CRACR2A: variants seen among roughly 807,000 people sequenced by gnomAD.
The protein encoded by CRACR2A is calcium release activated channel regulator 2A, also known as EF-hand calcium-binding domain-containing protein 4B.
CRACR2A carries 79 observed loss-of-function variants against 90.5 expected under a neutral mutation model. The observed-to-expected ratio is 0.87, with a 90% CI of 0.73 to 1.05. CRACR2A has a LOEUF of 1.05. Ranked by LOEUF, CRACR2A falls within the 50% of genes least tolerant of loss-of-function variation. The pLI, the probability that CRACR2A is intolerant of heterozygous loss-of-function variation, is 0.00. For missense variants in CRACR2A, 823 were observed against 897.2 expected (o/e 0.92, Z 1.06); for synonymous variants, 338 against 356.7 (o/e 0.95, Z 0.59).
At chr12:3,715,202 C>T (rs939034807) in intron 2 of CRACR2A, among the ~76,000 whole-genome samples, 4 of 152,206 alleles carry the variant, frequency 2.6e-5, no homozygotes, top group African/African-American at 9.6e-5. Context: ...AAGGCTTTAA[C>T]AAATGAGTGA....
intron 3 of CRACR2A, among the ~76,000 whole-genome samples, chr12:3,700,636 T>C (rs1159988015): frequency 2.6e-5 from 4 of 152,240 alleles, no homozygotes; most frequent in Non-Finnish European, 4.4e-5. Flanking sequence ...TTCGTATTGA[T>C]AAAAGGTCAA....
At position 3,656,385 on chromosome 12, in the gene CRACR2A, G is replaced by C. The variant is rs199789658; in HGVS notation, c.784C>G (p.Arg262Gly). Residue 262 changes from arginine to glycine, a missense_variant, in exon 9 of 20, where the codon CGC becomes GGC. Coordinates refer to ENST00000440314, the MANE Select transcript of CRACR2A (RefSeq NM_001144958.2). ...LLKDTERFQA[R>G]SQELEQKLLC... Reference sequence around the variant, plus strand: ...AGTTTCTGCTCCAGCTCTTGACTGCGGGCTTGAAACCTCTCTGTGTCCTGC... The same window carrying C: ...AGTTTCTGCTCCAGCTCTTGACTGCCGGCTTGAAACCTCTCTGTGTCCTGC... 4 of 1,614,020 alleles carry C rather than the reference G, an allele frequency of 2.5e-6. No individual in the cohort carries two copies. Among genetic ancestry groups the C allele is most frequent in the Non-Finnish European group, 3.4e-6 (4 of 1,180,022 alleles).
chr12:3,686,558 G>A (rs1172339069), intron 4 of CRACR2A, among the ~76,000 whole-genome samples: 1 of 152,122 alleles, frequency 6.6e-6, no homozygotes, highest in Non-Finnish European at 1.5e-5. Flanking sequence ...TTCTCAGAGA[G>A]ATCTCCTGCC....
chr12:3,625,756 C>T (rs576176148), intron 17 of CRACR2A, among the ~76,000 whole-genome samples: 92 of 151,762 alleles, frequency 6.1e-4, no homozygotes, highest in Non-Finnish European at 1.2e-3. Flanking sequence ...CCTTCCCTTG[C>T]CGCTCCCCAA....
At chr12:3,677,804 C>T (rs1210632382) in intron 6 of CRACR2A, among the ~76,000 whole-genome samples, 1 of 152,234 alleles carries the variant, frequency 6.6e-6, no homozygotes, top group African/African-American at 2.4e-5. Flanking sequence ...TTGAGTTCCA[C>T]TTCCTGTGTA....
chr12:3,670,513 C>T (rs1185902209), intron 7 of CRACR2A, among the ~76,000 whole-genome samples: 2 of 152,174 alleles, frequency 1.3e-5, no homozygotes, highest in Non-Finnish European at 2.9e-5. Flanking sequence ...TGCAAAGAAT[C>T]CCATTTTCAT....
At chr12:3,654,670 G>A (rs1436114050) in intron 9 of CRACR2A, among the ~76,000 whole-genome samples, 1 of 152,186 alleles carries the variant, frequency 6.6e-6, no homozygotes, top group Non-Finnish European at 1.5e-5. Flanking sequence ...CACTCAAAAA[G>A]ACCACTAGCA....
chr12:3,737,805 A>C (rs978230475), intron 1 of CRACR2A, among the ~76,000 whole-genome samples: 1 of 152,234 alleles, frequency 6.6e-6, no homozygotes, highest in African/African-American at 2.4e-5. Flanking sequence ...ATATCCTTTG[A>C]ATTCCAAGGC....
chr12:3,738,532 C>T (rs1946480688), intron 1 of CRACR2A, among the ~76,000 whole-genome samples: 1 of 152,044 alleles, frequency 6.6e-6, no homozygotes, highest in African/African-American at 2.4e-5. Context: ...AGATTAAATA[C>T]AGTTTGAGAA....
intron 7 of CRACR2A, among the ~76,000 whole-genome samples, chr12:3,660,014 G>A (rs565069331): frequency 2.0e-5 from 3 of 152,230 alleles, no homozygotes; most frequent in African/African-American, 4.8e-5. Context: ...TCTGCCAGAC[G>A]TATCATCCCT....
In CRACR2A at chr12:3,631,540, C is replaced by T. The variant is rs147269906; in HGVS notation, c.1735+2064G>A. ...CCAGGCGCTGTCTCCTGTGTTACCACGCTCAGCACACTCCCAGCTGCCCCT... is the reference window on the plus strand; with the variant it reads ...CCAGGCGCTGTCTCCTGTGTTACCATGCTCAGCACACTCCCAGCTGCCCCT... On this transcript the variant is annotated intron_variant, in intron 15 of 19. Transcript: ENST00000440314. 4.4e-4 allele frequency among the ~76,000 whole-genome samples: 67 copies of T among 152,346 alleles called. No homozygotes were observed. The East Asian group carries it at 0.012, about 27-fold the overall frequency.
intron 7 of CRACR2A, among the ~76,000 whole-genome samples, chr12:3,660,222 T>C (rs1945004246): frequency 6.6e-6 from 1 of 152,164 alleles, no homozygotes; most frequent in South Asian, 2.1e-4. Flanking sequence ...TCTCATGAGA[T>C]TCTCAAGAGA....
At chr12:3,654,563 C>T (rs538953090) in intron 9 of CRACR2A, among the ~76,000 whole-genome samples, 164 bp from the exon 10 acceptor site, 72 of 152,272 alleles carry the variant, frequency 4.7e-4, no homozygotes, top group Middle Eastern at 3.4e-3. Context: ...TCAGTTCACA[C>T]GTACACACTC....
intron 12 of CRACR2A, among the ~76,000 whole-genome samples, chr12:3,642,908 G>A (rs1422541521): frequency 1.3e-5 from 2 of 152,198 alleles, no homozygotes; most frequent in South Asian, 2.1e-4. Context: ...GGGCTGCAAT[G>A]CTCCCAGAGC....
At chr12:3,708,173 A>G (rs1343708691) in intron 3 of CRACR2A, among the ~76,000 whole-genome samples, 1 of 152,202 alleles carries the variant, frequency 6.6e-6, no homozygotes, top group East Asian at 1.9e-4. Flanking sequence ...ACATGGACAG[A>G]GCCAGAAGTG....
chr12:3,647,885 C>T (rs774625088), intron 11 of CRACR2A: 1 of 985,454 alleles, frequency 1.0e-6, no homozygotes, highest in South Asian at 4.7e-5. Context: ...ATCAAAAATT[C>T]CATCTTTCCC....
At chr12:3,713,724 C>T (rs376953708) in intron 2 of CRACR2A, among the ~76,000 whole-genome samples, 2 of 152,080 alleles carry the variant, frequency 1.3e-5, no homozygotes, top group Non-Finnish European at 2.9e-5. Context: ...TTGAAGATAG[C>T]GATGTAAGCA....
chr12:3,637,494 A>G (rs888321022), intron 14 of CRACR2A, among the ~76,000 whole-genome samples: 1 of 151,730 alleles, frequency 6.6e-6, no homozygotes, highest in Non-Finnish European at 1.5e-5. Context: ...TCAATCCCCA[A>G]TTTTCTCCTT....
Position 3,627,658 on chromosome 12 carries a change from G to A in CRACR2A, c.1784C>T (p.Ala595Val), listed in dbSNP as rs764222855. 2.8e-5 allele frequency: 44 copies of A among 1,551,686 alleles called. No homozygotes were observed. In the Admixed American group the frequency reaches 7.5e-4, roughly 26 times the overall value. Residue 595 changes from alanine to valine, a missense_variant, in exon 16 of 20, where the codon GCC becomes GTC. Physicochemically the swap from Ala to Val is moderately conservative, Grantham distance 64 (BLOSUM62 0). Transcript: ENST00000440314. Reference protein sequence around the residue: ...KTLNVDNSQVALQLWDTAGQE... With the variant: ...KTLNVDNSQVVLQLWDTAGQE... ...CCCAGCCGTGTCCCACAGCTGCAGG[G>A]CCACCTGAGAGTTGTCCACATTCAA... is the stretch of plus-strand genomic sequence containing the variant.
Sources: gnomAD v4.1 joint callset for allele counts (sites outside exome capture counted in the v4.1 genomes callset) on GRCh38, gnomAD v4.1.1 for gene constraint, MANE v1.5 for transcripts, NCBI Gene and HGNC (gene_info 2026-07-23, HGNC 2026-07-21) for gene names.